The following OR6N2 variants were observed in gnomAD, a reference collection of about 807,000 sequenced individuals.
OR6N2 encodes olfactory receptor 6N2.
For synonymous variants in OR6N2, 160 were observed against 138.3 expected, an observed-to-expected ratio of 1.16 and a Z score of -1.10; for missense variants, 399 against 379.7, an observed-to-expected ratio of 1.05 and a Z score of -0.42.
intron 1 of OR6N2, among the ~76,000 whole-genome samples, chr1:158,778,384 A>C (rs1488033494): frequency 1.3e-5 from 2 of 152,232 alleles, no homozygotes; most frequent in Non-Finnish European, 2.9e-5. Context: ...GAATTTTCCA[A>C]GAAGATCTGG....
chr1:158,779,024 A>AAAAAAAAAAAAAAAAAAAG lies in OR6N2; in HGVS notation c.-6-1384_-6-1383insCTTTTTTTTTTTTTTTTTT, dbSNP rs1558036634. Among the ~76,000 whole-genome samples the AAAAAAAAAAAAAAAAAAAG allele has an allele frequency of 5.6e-4, 85 of 151,282 alleles. 1 individual carries two copies. Among genetic ancestry groups the AAAAAAAAAAAAAAAAAAAG allele is most frequent in the African/African-American group, 2.0e-3 (84 of 41,076 alleles). On this transcript the variant is annotated intron_variant, in intron 1 of 1. Coordinates refer to ENST00000641131, the MANE Select transcript of OR6N2 (RefSeq NM_001005278.2). ...ACAGTGCGAGACTGCGTCTCAAAAAAAAAAAAAAGAATGCAGATTCAAAAA... is the reference window on the plus strand; with the variant it reads ...ACAGTGCGAGACTGCGTCTCAAAAAAAAAAAAAAAAAAAAAAAAGAAAAAAAAGAATGCAGATTCAAAAA...
chr1:158,780,624 C>T (rs1657728993), intron 1 of OR6N2, among the ~76,000 whole-genome samples: 1 of 152,204 alleles, frequency 6.6e-6, no homozygotes, highest in Non-Finnish European at 1.5e-5. Flanking sequence ...TGGGCAAAAT[C>T]ATCTAACACA....
chr1:158,779,247 G>A lies in OR6N2; in HGVS notation c.-6-1606C>T, dbSNP rs541020449. ...AAAAATTCACAATGCAACTTTAAAT[G>A]CATAAAATGGCAACCAGTGCCAGTC... On this transcript the variant is annotated intron_variant, in intron 1 of 1. Coordinates refer to ENST00000641131, the MANE Select transcript of OR6N2 (RefSeq NM_001005278.2). Among the ~76,000 whole-genome samples the A allele has an allele frequency of 3.2e-4, 48 of 152,152 alleles. No homozygotes were observed. In the South Asian group the frequency reaches 6.4e-3, roughly 20 times the overall value.
chr1:158,777,241 TAGTGG>T lies in OR6N2; in HGVS notation c.390_394del (p.His131ProfsTer27). ...GAGTGTGGTGGTCATAATTATAGGG[TAGTGG>T]AGGGGCCGACAAATGGCCAGGTATC... On this transcript the variant is annotated frameshift_variant, in exon 2 of 2. Coordinates refer to ENST00000641131, the MANE Select transcript of OR6N2 (RefSeq NM_001005278.2). LOFTEE classifies it low-confidence loss of function (END_TRUNC). 6.2e-7 allele frequency: 1 copy of T among 1,613,772 alleles called. No individual in the cohort carries two copies. The highest frequency in any genetic ancestry group is 8.5e-7 in the Non-Finnish European group (1 of 1,179,958).
Position 158,774,741 on chromosome 1 carries a change from A to G in OR6N2, c.*1941T>C, listed in dbSNP as rs1657539904. 1 of 152,122 alleles carries G rather than the reference A, an allele frequency of 6.6e-6. No homozygotes were observed. Among genetic ancestry groups the G allele is most frequent in the Admixed American group, 6.5e-5 (1 of 15,270 alleles). The allele number at this position is 152,122 out of a possible 1,614,324, so 9.4% of individuals were successfully genotyped here. A position where few individuals can be genotyped will look rare whatever the true frequency, so the allele number is the denominator to read the frequency against. Reference sequence around the variant, plus strand: ...AAAAAAATACAGATCCAGAAAATTAACCTAGTATGATGCACAGTAGCTAAG... The same window carrying G: ...AAAAAAATACAGATCCAGAAAATTAGCCTAGTATGATGCACAGTAGCTAAG... On this transcript the variant is annotated 3_prime_UTR_variant, in exon 2 of 2. Transcript: ENST00000641131.
intron 1 of OR6N2, among the ~76,000 whole-genome samples, chr1:158,778,136 A>G (rs1657657638): frequency 1.3e-5 from 2 of 152,182 alleles, no homozygotes; most frequent in Non-Finnish European, 1.5e-5. Flanking sequence ...AGTAGCAAAT[A>G]TTTTCCTATT....
chr1:158,780,821 C>A (rs1443069612), intron 1 of OR6N2, among the ~76,000 whole-genome samples: 1 of 152,174 alleles, frequency 6.6e-6, no homozygotes, highest in Non-Finnish European at 1.5e-5. Flanking sequence ...GAAACCTCTG[C>A]CTTCTACCAT....
rs755729492 is a variant in OR6N2, at chr1:158,777,192, A to C, written c.444T>G (p.Cys148Trp). The change falls in exon 2 of 2, where the codon TGT (cysteine) becomes TGG (tryptophan). Residue 148 changes from cysteine (C) to tryptophan (W), a missense_variant. By Grantham distance (215) the Cys-to-Trp change is radical (BLOSUM62 -2). Transcript: ENST00000641131. The part of the protein sequence containing the change: ...TTLCAKMAAA[C>W]WTCGFLCPIS... ...TGGGACACAGGAAGCCACAAGTCCA[A>C]CAAGCAGCAGCCATCTTGGCACAGA... The C allele has an allele frequency of 3.1e-6, 5 of 1,614,122 alleles. No homozygotes were observed. Among genetic ancestry groups the C allele is most frequent in the Non-Finnish European group, 4.2e-6 (5 of 1,180,026 alleles).
Position 158,776,958 on chromosome 1 carries a change from C to T in OR6N2, c.678G>A (p.Leu226=), listed in dbSNP as rs1314497407. 1 of 1,613,948 alleles carries T rather than the reference C, an allele frequency of 6.2e-7. No homozygotes were observed. Among genetic ancestry groups the T allele is most frequent in the African/African-American group, 1.3e-5 (1 of 74,906 alleles). The part of the protein sequence containing the change: ...ISYARIIGAV[L]KIKTASGRKK... ...TTCTTCCTGATGCTGTTTTTATCTTCAGCACAGCCCCAATGATCCTTGCAT... is the reference window on the plus strand; with the variant it reads ...TTCTTCCTGATGCTGTTTTTATCTTTAGCACAGCCCCAATGATCCTTGCAT... Residue 226 remains leucine, a synonymous_variant, in exon 2 of 2, where the codon CTG becomes CTA. Transcript: ENST00000641131.
chr1:158,778,037 G>A (rs541928865), intron 1 of OR6N2, among the ~76,000 whole-genome samples: 42 of 152,310 alleles, frequency 2.8e-4, no homozygotes, highest in African/African-American at 9.4e-4. Flanking sequence ...CTATATGACT[G>A]TTCCCAAACA....
In OR6N2 at chr1:158,775,309, A is replaced by C. The variant is rs2102013335; in HGVS notation, c.*1373T>G. The stretch of plus-strand genomic sequence containing the variant: ...CACACAATTAGGAGGAGTGAACCAA[A>C]TGAAATGTTGGGGAAAAAACGGAGT... On this transcript the variant is annotated 3_prime_UTR_variant, in exon 2 of 2. Coordinates refer to ENST00000641131, the MANE Select transcript of OR6N2 (RefSeq NM_001005278.2). 6.6e-6 allele frequency: 1 copy of C among 152,310 alleles called. No individual in the cohort carries two copies. Among genetic ancestry groups the C allele is most frequent in the South Asian group, 2.1e-4 (1 of 4,830 alleles). 9.4% of individuals were successfully genotyped at this position (152,310 alleles called of 1,614,324 possible).
At chr1:158,781,103 C>T (rs1657742007) in intron 1 of OR6N2, 67 bp downstream of exon 1, 1 of 152,146 alleles carries the variant, frequency 6.6e-6, no homozygotes, top group Non-Finnish European at 1.5e-5. Context: ...TTTTCAAATC[C>T]CTTATTATCA....
intron 1 of OR6N2, 29 bp from the exon 2 acceptor site, chr1:158,777,670 T>A: frequency 7.1e-7 from 1 of 1,410,178 alleles, no homozygotes; most frequent in East Asian, 2.3e-5. Context: ...GAAGAAAACA[T>A]TGGATTGAGA....
rs2102013491 is a variant in OR6N2, at chr1:158,775,554, CA to C, written c.*1127del. 1 of 152,128 alleles carries C rather than the reference CA, an allele frequency of 6.6e-6. No individual in the cohort carries two copies. The highest frequency in any genetic ancestry group is 1.9e-4 in the East Asian group (1 of 5,180). The allele number at this position is 152,128 out of a possible 1,614,324, so 9.4% of individuals were successfully genotyped here. On this transcript the variant is annotated 3_prime_UTR_variant, in exon 2 of 2. Coordinates refer to ENST00000641131, the MANE Select transcript of OR6N2 (RefSeq NM_001005278.2). ...TCATGTTTTTATAAAATGGTATATA[CA>C]ATTCAGATTTCAAATACATTACTTT...
intron 1 of OR6N2, among the ~76,000 whole-genome samples, chr1:158,780,150 C>A (rs1173153059): frequency 6.6e-6 from 1 of 152,174 alleles, no homozygotes; most frequent in African/African-American, 2.4e-5. Context: ...TTTCCCTAAT[C>A]CTGTTGAAAG....
chr1:158,778,099 A>T (rs571929032), intron 1 of OR6N2, among the ~76,000 whole-genome samples: 1 of 152,356 alleles, frequency 6.6e-6, no homozygotes, highest in African/African-American at 2.4e-5. Flanking sequence ...AGACTTAAAG[A>T]GTGAATTTTG....
At position 158,774,448 on chromosome 1, in the gene OR6N2, C is replaced by T. The variant is rs979174076; in HGVS notation, c.*2234G>A. 2 of 152,150 alleles carry T rather than the reference C, an allele frequency of 1.3e-5. No individual in the cohort carries two copies. Among genetic ancestry groups the T allele is most frequent in the African/African-American group, 2.4e-5 (1 of 41,436 alleles). The allele number at this position is 152,150 out of a possible 1,614,324, so 9.4% of individuals were successfully genotyped here. A position where few individuals can be genotyped will look rare whatever the true frequency, so the allele number is the denominator to read the frequency against. ...GGGGTTCATCACAAGCCCATTCCCA[C>T]AGCTCAGGAAAGCTGCCCAGGCTGA... On this transcript the variant is annotated 3_prime_UTR_variant, in exon 2 of 2. Transcript: ENST00000641131.
Position 158,776,606 on chromosome 1 carries a change from T to C in OR6N2, c.*76A>G. 1.3e-6 allele frequency: 1 copy of C among 762,934 alleles called. No homozygotes were observed. The highest frequency in any genetic ancestry group is 2.2e-6 in the Non-Finnish European group (1 of 460,582). The allele number at this position is 762,934 out of a possible 1,614,324, so 47.3% of individuals were successfully genotyped here. A position where few individuals can be genotyped will look rare whatever the true frequency, so the allele number is the denominator to read the frequency against. On this transcript the variant is annotated 3_prime_UTR_variant, in exon 2 of 2. Coordinates refer to ENST00000641131, the MANE Select transcript of OR6N2 (RefSeq NM_001005278.2). ...GTGAAAGGAAATGAAATTCAGAGCA[T>C]GTGTGATGATGGGAAGATTACTCAA...
chr1:158,777,954 A>G (rs1657653535), intron 1 of OR6N2, among the ~76,000 whole-genome samples: 1 of 152,152 alleles, frequency 6.6e-6, no homozygotes, highest in South Asian at 2.1e-4. Context: ...TAATTAGAAC[A>G]CTTTTGTATT....
Sources: gnomAD v4.1 joint callset for allele counts (sites outside exome capture counted in the v4.1 genomes callset) on GRCh38, gnomAD v4.1.1 for gene constraint, MANE v1.5 for transcripts, NCBI Gene and HGNC (gene_info 2026-07-23, HGNC 2026-07-21) for gene names.